Variants in OPCML observed in about 807,000 individuals in gnomAD.
OPCML encodes opioid binding protein/cell adhesion molecule like, also known as opioid-binding protein/cell adhesion molecule.
In OPCML, 13 loss-of-function variants were observed where a neutral mutation model predicts 37.8. That is an observed-to-expected ratio of 0.34 (90% confidence interval 0.22 to 0.55). The LOEUF (loss-of-function observed/expected upper bound fraction) is 0.55. Ranked by LOEUF, OPCML falls within the 20% of genes least tolerant of loss-of-function variation. The probability of loss-of-function intolerance (pLI) is 0.91; values close to 1 mark genes in which losing one functional copy is unlikely to be tolerated. For synonymous variants in OPCML, 176 were observed against 168.8 expected (o/e 1.04, Z -0.33); for missense variants, 341 against 435.6 (o/e 0.78, Z 1.93).
intron 1 of OPCML, among the ~76,000 whole-genome samples, chr11:133,373,136 T>C (rs1944709986): frequency 6.6e-6 from 1 of 152,106 alleles, no homozygotes; most frequent in Non-Finnish European, 1.5e-5. Flanking sequence ...TTATAAAAAC[T>C]GCCTCTGCTA....
In OPCML at chr11:133,370,070, G is replaced by A. The variant is rs189970760; in HGVS notation, c.61+162194C>T. On this transcript the variant is annotated intron_variant, in intron 1 of 7. Coordinates refer to ENST00000524381, the MANE Select transcript of OPCML (RefSeq NM_001012393.5). Reference sequence around the variant, plus strand: ...TGAAACAAAGTTTTGACTGCATTTTGACTGAGACTCATTACATCAGGTCAG... The same window carrying A: ...TGAAACAAAGTTTTGACTGCATTTTAACTGAGACTCATTACATCAGGTCAG... Among the ~76,000 whole-genome samples the A allele has an allele frequency of 7.2e-5, 11 of 152,242 alleles. No homozygotes were observed. In the East Asian group the frequency reaches 1.9e-3, roughly 27 times the overall value.
At chr11:132,611,619 G>C (rs1456327080) in intron 3 of OPCML, among the ~76,000 whole-genome samples, 2 of 152,120 alleles carry the variant, frequency 1.3e-5, no homozygotes, top group East Asian at 3.9e-4. Context: ...GAACACAAAT[G>C]TGTTATATTA....
At chr11:133,175,173 A>G (rs899992269) in intron 1 of OPCML, among the ~76,000 whole-genome samples, 6 of 152,340 alleles carry the variant, frequency 3.9e-5, no homozygotes, top group South Asian at 2.1e-4. Flanking sequence ...GAGCAGATTT[A>G]AAAAGGAGAC....
chr11:132,878,879 G>A lies in OPCML; in HGVS notation c.146+64047C>T, dbSNP rs557822305. Reference sequence around the variant, plus strand: ...TTATGATGGGTACGTCATAGAGCATGATTAGAATTCAAGGATCTGAGCGTT... The same window carrying A: ...TTATGATGGGTACGTCATAGAGCATAATTAGAATTCAAGGATCTGAGCGTT... On this transcript the variant is annotated intron_variant, in intron 2 of 7. Transcript: ENST00000524381. Among the ~76,000 whole-genome samples the A allele has an allele frequency of 1.9e-4, 29 of 152,314 alleles. No homozygotes were observed. In the South Asian group the frequency reaches 5.6e-3, roughly 29 times the overall value.
intron 2 of OPCML, among the ~76,000 whole-genome samples, chr11:132,764,966 A>C (rs1946386257): frequency 6.6e-6 from 1 of 152,192 alleles, no homozygotes; most frequent in African/African-American, 2.4e-5. Flanking sequence ...TGCCTCTGAC[A>C]CTGTCCTCAA....
Position 132,425,076 on chromosome 11 carries a change from C to T in OPCML, c.917-4783G>A, listed in dbSNP as rs920961010. On this transcript the variant is annotated intron_variant, in intron 7 of 7. Coordinates refer to ENST00000524381, the MANE Select transcript of OPCML (RefSeq NM_001012393.5). ...TAATGTGTCCATCCTGCAATGGAGACGGGCCCCAAGCCAACCTTGGGAAAT... is the reference window on the plus strand; with the variant it reads ...TAATGTGTCCATCCTGCAATGGAGATGGGCCCCAAGCCAACCTTGGGAAAT... Among the ~76,000 whole-genome samples, 11 of 152,184 alleles carry T rather than the reference C, an allele frequency of 7.2e-5. No individual in the cohort carries two copies. The East Asian group carries it at 9.7e-4, about 13-fold the overall frequency.
intron 1 of OPCML, among the ~76,000 whole-genome samples, chr11:133,178,288 C>T (rs891991496): frequency 2.0e-5 from 3 of 152,048 alleles, no homozygotes; most frequent in African/African-American, 7.2e-5. Flanking sequence ...GTGTGAGTAC[C>T]ACTGTGTGTG....
At chr11:133,182,682 G>C (rs1467902251) in intron 1 of OPCML, among the ~76,000 whole-genome samples, 2 of 152,200 alleles carry the variant, frequency 1.3e-5, no homozygotes, top group African/African-American at 4.8e-5. Flanking sequence ...GAGCGGAGAT[G>C]CCAAGAGGTG....
chr11:132,718,774 C>T (rs1944579033), intron 2 of OPCML, among the ~76,000 whole-genome samples: 1 of 152,150 alleles, frequency 6.6e-6, no homozygotes, highest in South Asian at 2.1e-4. Flanking sequence ...CCTACTCCAG[C>T]CCCAGGTTTC....
chr11:132,734,147 T>C (rs1314158225), intron 2 of OPCML, among the ~76,000 whole-genome samples: 2 of 152,166 alleles, frequency 1.3e-5, no homozygotes, highest in Non-Finnish European at 2.9e-5. Context: ...CAGTAAATGA[T>C]AGGAAACACA....
chr11:132,925,867 T>C (rs557630327), intron 2 of OPCML, among the ~76,000 whole-genome samples: 64 of 152,276 alleles, frequency 4.2e-4, no homozygotes, highest in African/African-American at 1.5e-3. Flanking sequence ...GACCAGAAGG[T>C]AGAAGTCTCT....
chr11:132,608,467 G>T lies in OPCML; in HGVS notation c.379+48620C>A, dbSNP rs558823830. ...GTTTTCTTGATTTTAATTAAGTAAG[G>T]CTTTACGGTACTTGCTTCAGTAAAG... On this transcript the variant is annotated intron_variant, in intron 3 of 7. Coordinates refer to ENST00000524381, the MANE Select transcript of OPCML (RefSeq NM_001012393.5). Among the ~76,000 whole-genome samples the T allele has an allele frequency of 8.9e-4, 135 of 152,264 alleles. 2 individuals carry two copies. Among genetic ancestry groups the T allele is most frequent in the South Asian group, 3.3e-3 (16 of 4,818 alleles).
intron 1 of OPCML, among the ~76,000 whole-genome samples, chr11:133,310,790 C>T (rs183302542): frequency 1.7e-4 from 26 of 152,328 alleles, no homozygotes; most frequent in African/African-American, 6.3e-4. Flanking sequence ...ATCTCACTCT[C>T]ACCTACAAGT....
chr11:133,040,692 C>A (rs975463208), intron 1 of OPCML, among the ~76,000 whole-genome samples: 4 of 151,872 alleles, frequency 2.6e-5, no homozygotes, highest in African/African-American at 9.7e-5. Context: ...GGAGAGGGGC[C>A]TCTTGCTTGC....
chr11:133,183,134 A>G (rs1937912600), intron 1 of OPCML, among the ~76,000 whole-genome samples: 1 of 152,202 alleles, frequency 6.6e-6, no homozygotes, highest in South Asian at 2.1e-4. Flanking sequence ...CCTACAGAAA[A>G]GGAAACTTTA....
chr11:133,358,464 A>G (rs1287431274), intron 1 of OPCML, among the ~76,000 whole-genome samples: 1 of 152,150 alleles, frequency 6.6e-6, no homozygotes, highest in African/African-American at 2.4e-5. Context: ...CAAGCCAATT[A>G]TTTCTTCGTC....
At chr11:132,651,372 A>T (rs941204141) in intron 3 of OPCML, among the ~76,000 whole-genome samples, 1 of 152,218 alleles carries the variant, frequency 6.6e-6, no homozygotes, top group Non-Finnish European at 1.5e-5. Context: ...GGCTTTTGGG[A>T]AGCATAATCA....
intron 3 of OPCML, among the ~76,000 whole-genome samples, chr11:132,550,262 GA>G (rs1179181726): frequency 6.6e-6 from 1 of 152,204 alleles, no homozygotes; most frequent in African/African-American, 2.4e-5. Context: ...ATCTCATGTT[GA>G]ATTGTAATCC....
chr11:132,762,143 G>T (rs182023272), intron 2 of OPCML, among the ~76,000 whole-genome samples: 1 of 152,368 alleles, frequency 6.6e-6, no homozygotes, highest in African/African-American at 2.4e-5. Flanking sequence ...AGCGGGAGCT[G>T]CAGAACAGCG....
Sources: gnomAD v4.1 joint callset for allele counts (sites outside exome capture counted in the v4.1 genomes callset) on GRCh38, gnomAD v4.1.1 for gene constraint, MANE v1.5 for transcripts, NCBI Gene and HGNC (gene_info 2026-07-23, HGNC 2026-07-21) for gene names.